SMG7: variants seen among roughly 807,000 people sequenced by gnomAD.
SMG7 encodes the protein nonsense-mediated mRNA decay factor SMG7.
SMG7 carries 34 observed loss-of-function variants against 148.2 expected under a neutral mutation model. That is an observed-to-expected ratio of 0.23 (90% CI 0.17 to 0.31). The LOEUF (loss-of-function observed/expected upper bound fraction) is 0.31. Ranked by LOEUF, SMG7 falls within the 10% of genes least tolerant of loss-of-function variation. The pLI is 1.00. For missense variants in SMG7, 1,114 were observed against 1,408.4 expected, an observed-to-expected ratio of 0.79 and a Z score of 3.35; for synonymous variants, 492 against 515.1, an observed-to-expected ratio of 0.96 and a Z score of 0.61.
At chr1:183,531,188 A>AATT (rs1202284129) in intron 8 of SMG7, among the ~76,000 whole-genome samples, 1 of 152,114 alleles carries the variant, frequency 6.6e-6, no homozygotes, top group Non-Finnish European at 1.5e-5. Context: ...ATATGTAGAT[A>AATT]ATTAGTATCA....
chr1:183,494,112 T>A (rs1657777546), intron 1 of SMG7, among the ~76,000 whole-genome samples: 1 of 152,038 alleles, frequency 6.6e-6, no homozygotes, highest in African/African-American at 2.4e-5. Flanking sequence ...CTCAGCCTCC[T>A]GAGCAGCTGG....
intron 14 of SMG7, among the ~76,000 whole-genome samples, chr1:183,542,755 G>T (rs570421319): frequency 1.3e-3 from 201 of 152,218 alleles, no homozygotes; most frequent in African/African-American, 4.6e-3. Context: ...AGTTTGAAAG[G>T]ATTAGTTGCA....
chr1:183,524,946 T>C (rs923739824), intron 4 of SMG7, among the ~76,000 whole-genome samples: 1 of 152,196 alleles, frequency 6.6e-6, no homozygotes, highest in African/African-American at 2.4e-5. Flanking sequence ...GTACCTGACT[T>C]GCCCATTTAG....
Position 183,547,139 on chromosome 1 carries a change from T to C in SMG7, c.2779T>C (p.Leu927=). 6.4e-7 allele frequency: 1 copy of C among 1,550,560 alleles called. No homozygotes were observed. Among genetic ancestry groups the C allele is most frequent in the Non-Finnish European group, 8.7e-7 (1 of 1,146,910 alleles). The change falls in exon 18 of 23, where the codon TTA becomes CTA. Residue 927 remains leucine, a synonymous_variant. Transcript: ENST00000688051. The stretch of plus-strand genomic sequence containing the variant: ...CTCCCCTCTGCTTCCTCCGGACCTG[T>C]TAAAGAGTCTGGCTGCCTTGGAGGA... ...KSSPLLPPDL[L]KSLAALEEEE...
chr1:183,481,700 A>G (rs1387804464), intron 1 of SMG7, among the ~76,000 whole-genome samples: 1 of 152,222 alleles, frequency 6.6e-6, no homozygotes, highest in Non-Finnish European at 1.5e-5. Flanking sequence ...TTTCAATATA[A>G]TGTAGTAAAT....
At chr1:183,494,982 C>T (rs537628649) in intron 1 of SMG7, among the ~76,000 whole-genome samples, 4 of 151,872 alleles carry the variant, frequency 2.6e-5, no homozygotes, top group Admixed American at 2.6e-4. Context: ...ACACACGCCA[C>T]CATGCCCAGC....
chr1:183,474,195 A>AT (rs1196594334), intron 1 of SMG7, among the ~76,000 whole-genome samples: 3 of 152,254 alleles, frequency 2.0e-5, no homozygotes, highest in African/African-American at 7.2e-5. Context: ...GGTGCTGATT[A>AT]GTCTTAAGGA....
At chr1:183,516,137 G>A (rs1663470224) in intron 3 of SMG7, 146 bp downstream of exon 3, 1 of 620,814 alleles carries the variant, frequency 1.6e-6, no homozygotes, top group Non-Finnish European at 2.9e-6. Flanking sequence ...TGTGATATTT[G>A]GCCATTGGTA....
At chr1:183,526,927 A>G (rs1258478906) in intron 5 of SMG7, among the ~76,000 whole-genome samples, 160 bp downstream of exon 5, 1 of 152,248 alleles carries the variant, frequency 6.6e-6, no homozygotes. Flanking sequence ...AAATTTCTCA[A>G]TATTTTTGGG....
chr1:183,523,263 T>C (rs1420474372), intron 4 of SMG7, among the ~76,000 whole-genome samples: 1 of 152,202 alleles, frequency 6.6e-6, no homozygotes, highest in Admixed American at 6.5e-5. Flanking sequence ...CAAGAGATAG[T>C]GTAAAAATTG....
intron 1 of SMG7, among the ~76,000 whole-genome samples, chr1:183,475,683 G>T (rs1464720923): frequency 6.6e-6 from 1 of 152,254 alleles, no homozygotes; most frequent in East Asian, 1.9e-4. Flanking sequence ...CCTGAATAAG[G>T]TACTGGCAGT....
chr1:183,483,450 A>C (rs140788695), intron 1 of SMG7, among the ~76,000 whole-genome samples: 1 of 152,306 alleles, frequency 6.6e-6, no homozygotes, highest in Non-Finnish European at 1.5e-5. Context: ...GGAAGATGGT[A>C]TTCAAAGAGA....
At position 183,525,845 on chromosome 1, in the gene SMG7, A is replaced by C. The variant is rs1571993647; in HGVS notation, c.313-751A>C. ...TATATGCAAAGACATGTGAATTGGCATACAGCTTAAGAAAATAAATTGCAA... is the reference window on the plus strand; with the variant it reads ...TATATGCAAAGACATGTGAATTGGCCTACAGCTTAAGAAAATAAATTGCAA... On this transcript the variant is annotated intron_variant, in intron 4 of 22. Coordinates refer to ENST00000688051, the MANE Select transcript of SMG7 (RefSeq NM_001375584.1). 2.6e-5 allele frequency among the ~76,000 whole-genome samples: 4 copies of C among 152,338 alleles called. 1 individual carries two copies. In the South Asian group the frequency reaches 8.3e-4, roughly 32 times the overall value.
chr1:183,553,409 C>A lies in SMG7; in HGVS notation c.*1478C>A. On this transcript the variant is annotated 3_prime_UTR_variant, in exon 23 of 23. Coordinates refer to ENST00000688051, the MANE Select transcript of SMG7 (RefSeq NM_001375584.1). ...CTTTGTGTGTCTGTATGTTTGTGTA[C>A]ACACACGTGCCCATCTGCTGTCCCA... 1 of 565,428 alleles carries A rather than the reference C, an allele frequency of 1.8e-6. No homozygotes were observed. Among genetic ancestry groups the A allele is most frequent in the Non-Finnish European group, 3.1e-6 (1 of 322,838 alleles). The allele number at this position is 565,428 out of a possible 1,614,324, so 35.0% of individuals were successfully genotyped here. A position where few individuals can be genotyped will look rare whatever the true frequency, so the allele number is the denominator to read the frequency against.
chr1:183,479,082 T>C lies in SMG7; in HGVS notation c.29+6433T>C, dbSNP rs1653412362. 2.0e-5 allele frequency among the ~76,000 whole-genome samples: 3 copies of C among 152,162 alleles called. 1 individual carries two copies. In the South Asian group the frequency reaches 6.2e-4, roughly 31 times the overall value. ...TTGTAACCAGCTCTTTTTTTGTTAG[T>C]GTGTAAATGGAGCTGCTTAGGAACA... On this transcript the variant is annotated intron_variant, in intron 1 of 22. Coordinates refer to ENST00000688051, the MANE Select transcript of SMG7 (RefSeq NM_001375584.1).
chr1:183,528,637 C>T (rs1456429045), intron 6 of SMG7, among the ~76,000 whole-genome samples: 1 of 152,126 alleles, frequency 6.6e-6, no homozygotes, highest in East Asian at 1.9e-4. Context: ...GCCTACAAAA[C>T]TGAAATTATT....
At chr1:183,525,465 G>A (rs1412311672) in intron 4 of SMG7, among the ~76,000 whole-genome samples, 2 of 152,162 alleles carry the variant, frequency 1.3e-5, no homozygotes, top group African/African-American at 4.8e-5. Context: ...AAGCAGATAT[G>A]AAAAGTGTGG....
At chr1:183,506,311 G>A (rs2102364270) in intron 1 of SMG7, among the ~76,000 whole-genome samples, 1 of 152,256 alleles carries the variant, frequency 6.6e-6, no homozygotes, top group Admixed American at 6.5e-5. Flanking sequence ...GTGCTGTAAA[G>A]AGAAAGCAAA....
chr1:183,476,027 G>C (rs1342240702), intron 1 of SMG7, among the ~76,000 whole-genome samples: 2 of 152,182 alleles, frequency 1.3e-5, no homozygotes, highest in Non-Finnish European at 1.5e-5. Context: ...ACAAGTGTTA[G>C]AAGTCTGAGA....
Sources: allele counts gnomAD v4.1 joint callset (sites outside exome capture counted in the v4.1 genomes callset), GRCh38; gene constraint gnomAD v4.1.1; transcripts MANE v1.5; gene names NCBI Gene and HGNC (gene_info 2026-07-23, HGNC 2026-07-21).